LPP: variants seen among roughly 807,000 people sequenced by gnomAD.
LPP encodes the protein lipoma-preferred partner.
LPP carries 38 observed loss-of-function variants against 60.4 expected under a neutral mutation model. That is an observed-to-expected ratio of 0.63 (90% CI 0.49 to 0.83). The LOEUF is 0.83. Ranked by LOEUF, LPP falls within the 40% of genes least tolerant of loss-of-function variation. LPP has a pLI of 0.00. For synonymous variants in LPP, 328 were observed against 290.8 expected, an observed-to-expected ratio of 1.13 and a Z score of -1.30; for missense variants, 902 against 783.6, an observed-to-expected ratio of 1.15 and a Z score of -1.80.
At chr3:188,423,382 T>C (rs1027194252) in intron 4 of LPP, among the ~76,000 whole-genome samples, 4 of 152,234 alleles carry the variant, frequency 2.6e-5, no homozygotes, top group African/African-American at 7.2e-5. Context: ...TCTTTGCTAT[T>C]GTGAATAGTG....
In LPP at chr3:188,731,515, T is replaced by TG. The variant is rs1424453092; in HGVS notation, c.1240+23122_1240+23123insG. On this transcript the variant is annotated intron_variant, in intron 8 of 11. Transcript: ENST00000617246. ...TTGTCTAATCTTTTATTTTTTTGTT[T>TG]TTTTTGTTTTGTTTTGTTTTGTTTT... Among the ~76,000 whole-genome samples, 91 of 103,174 alleles carry TG rather than the reference T, an allele frequency of 8.8e-4. 2 individuals carry two copies. The highest frequency in any genetic ancestry group is 8.5e-3 in the Middle Eastern group (2 of 236). The allele number at this position is 103,174 out of a possible 152,430, so 67.7% of individuals were successfully genotyped here.
rs1577569691 is a variant in LPP at position 188,250,794 on chromosome 3, CTCTTTCTTTCTTTCTCTT to C, written c.-67+25281_-67+25298del. Reference sequence around the variant, plus strand: ...TCTTTCTTTCTTTCTTTCTGTCTTTCTCTTTCTTTCTTTCTCTTTCTTTCTTTCTTTTTCTTTCTTTCT... The same window carrying C: ...TCTTTCTTTCTTTCTTTCTGTCTTTCTCTTTCTTTCTTTTTCTTTCTTTCT... On this transcript the variant is annotated intron_variant, in intron 2 of 11. Transcript: ENST00000617246. 6.1e-5 allele frequency among the ~76,000 whole-genome samples: 7 copies of C among 114,130 alleles called. 1 individual carries two copies. Among genetic ancestry groups the C allele is most frequent in the African/African-American group, 2.6e-4 (7 of 26,418 alleles). The allele number at this position is 114,130 out of a possible 152,430, so 74.9% of individuals were successfully genotyped here. A position where few individuals can be genotyped will look rare whatever the true frequency, so the allele number is the denominator to read the frequency against.
chr3:188,852,139 G>A lies in LPP; in HGVS notation c.1411-14061G>A, dbSNP rs147419770. 9.0e-3 allele frequency among the ~76,000 whole-genome samples: 1,369 copies of A among 152,284 alleles called. 24 individuals carry two copies. Among genetic ancestry groups the A allele is most frequent in the African/African-American group, 0.03 (1,246 of 41,554 alleles). Reference sequence around the variant, plus strand: ...AGATCATGCCACTGCACTCCAGTCTGGGGGACAGAGTGAGACTCTGTCTCA... The same window carrying A: ...AGATCATGCCACTGCACTCCAGTCTAGGGGACAGAGTGAGACTCTGTCTCA... On this transcript the variant is annotated intron_variant, in intron 9 of 11. Coordinates refer to ENST00000617246, the MANE Select transcript of LPP (RefSeq NM_001375462.1).
At chr3:188,524,929 TTCCTTCCTTCCTTCC>T (rs2150191968) in intron 6 of LPP, 142 bp downstream of exon 6, 1 of 662,576 alleles carries the variant, frequency 1.5e-6, no homozygotes, top group East Asian at 3.2e-5. Flanking sequence ...CCTTCCTTCC[TTCCTTCCTTCCTTCC>T]TTCCTCTCTC....
chr3:188,325,015 T>C (rs1758013668), intron 2 of LPP, among the ~76,000 whole-genome samples: 2 of 152,028 alleles, frequency 1.3e-5, no homozygotes, highest in African/African-American at 4.8e-5. Flanking sequence ...AGTCTCGCTC[T>C]TGTCTCCCAG....
intron 2 of LPP, among the ~76,000 whole-genome samples, chr3:188,298,256 G>A (rs531491852): frequency 5.7e-4 from 86 of 152,028 alleles, no homozygotes; most frequent in Non-Finnish European, 1.0e-3. Flanking sequence ...CTTTTCTTGG[G>A]AACAGCTTTC....
chr3:188,566,383 T>A (rs905046293), intron 6 of LPP, among the ~76,000 whole-genome samples: 1 of 151,974 alleles, frequency 6.6e-6, no homozygotes, highest in Non-Finnish European at 1.5e-5. Flanking sequence ...TGATGGGAAC[T>A]GTGTCATATT....
intron 7 of LPP, among the ~76,000 whole-genome samples, chr3:188,656,044 T>G (rs1853129558): frequency 6.6e-6 from 1 of 151,506 alleles, no homozygotes; most frequent in African/African-American, 2.4e-5. Flanking sequence ...ACAAAAAAAA[T>G]AGCCAGGCAT....
At chr3:188,762,323 A>G (rs1354648862) in intron 9 of LPP, among the ~76,000 whole-genome samples, 3 of 152,210 alleles carry the variant, frequency 2.0e-5, no homozygotes, top group Non-Finnish European at 2.9e-5. Flanking sequence ...AGACAATCCT[A>G]GTAAAGCACA....
At chr3:188,595,044 G>A (rs938437988) in intron 6 of LPP, among the ~76,000 whole-genome samples, 2 of 152,078 alleles carry the variant, frequency 1.3e-5, no homozygotes, top group African/African-American at 2.4e-5. Flanking sequence ...TGAATGAGAA[G>A]GTTTTTCTGT....
chr3:188,229,019 T>A (rs992614827), intron 2 of LPP, among the ~76,000 whole-genome samples: 5 of 152,226 alleles, frequency 3.3e-5, no homozygotes, highest in African/African-American at 1.2e-4. Context: ...GCGTATGCCC[T>A]TCCTGCCAAC....
At chr3:188,269,333 C>CT (rs3214938) in intron 2 of LPP, among the ~76,000 whole-genome samples, 1 of 152,078 alleles carries the variant, frequency 6.6e-6, no homozygotes, top group African/African-American at 2.4e-5. Context: ...TTGATTTCCC[C>CT]GTCTCAAAAT....
chr3:188,585,793 T>C (rs1207056965), intron 6 of LPP, among the ~76,000 whole-genome samples: 1 of 152,386 alleles, frequency 6.6e-6, no homozygotes, highest in East Asian at 1.9e-4. Flanking sequence ...TTTCTGTTTC[T>C]TTACTGAATG....
At chr3:188,810,713 C>A (rs772284750) in intron 9 of LPP, among the ~76,000 whole-genome samples, 17 of 152,082 alleles carry the variant, frequency 1.1e-4, no homozygotes, top group Non-Finnish European at 2.4e-4. Flanking sequence ...AAGGACACTA[C>A]GGTAGTTGGT....
At chr3:188,681,738 T>C (rs1859566376) in intron 7 of LPP, among the ~76,000 whole-genome samples, 1 of 152,248 alleles carries the variant, frequency 6.6e-6, no homozygotes, top group Non-Finnish European at 1.5e-5. Flanking sequence ...GTAATAATGT[T>C]AAATAATACT....
At chr3:188,826,437 A>T (rs115074039) in intron 9 of LPP, among the ~76,000 whole-genome samples, 2 of 152,292 alleles carry the variant, frequency 1.3e-5, no homozygotes, top group East Asian at 1.9e-4. Context: ...TTTAAGATAG[A>T]CATTTTAATA....
At chr3:188,803,078 T>G (rs1747825403) in intron 9 of LPP, among the ~76,000 whole-genome samples, 1 of 144,286 alleles carries the variant, frequency 6.9e-6, no homozygotes, top group Non-Finnish European at 1.5e-5. Flanking sequence ...AGGGTCTCAC[T>G]CTATTATTCA....
chr3:188,328,227 T>C (rs1157554297), intron 2 of LPP, among the ~76,000 whole-genome samples: 3 of 152,232 alleles, frequency 2.0e-5, no homozygotes, highest in Non-Finnish European at 4.4e-5. Context: ...TTTTATACCC[T>C]ATTATATTAA....
At position 188,755,212 on chromosome 3, in the gene LPP, C is replaced by T. The variant is rs116030852; in HGVS notation, c.1241-4901C>T. Among the ~76,000 whole-genome samples, 962 of 152,204 alleles carry T rather than the reference C, an allele frequency of 6.3e-3. 10 individuals carry two copies. The highest frequency in any genetic ancestry group is 0.022 in the African/African-American group (927 of 41,530). On this transcript the variant is annotated intron_variant, in intron 8 of 11. Transcript: ENST00000617246. ...AAAATGTCTATTATAATTCAAGTAG[C>T]AAGGAAGACATAAAGAAAAATGTGA...
Sources: gnomAD v4.1 joint callset for allele counts (sites outside exome capture counted in the v4.1 genomes callset) on GRCh38, gnomAD v4.1.1 for gene constraint, MANE v1.5 for transcripts, NCBI Gene and HGNC (gene_info 2026-07-23, HGNC 2026-07-21) for gene names.